Variants in DIXDC1 observed in about 807,000 individuals in gnomAD.
The protein encoded by DIXDC1 is DIX domain containing 1.
DIXDC1 carries 64 observed loss-of-function variants against 103.1 expected under a neutral mutation model. The observed-to-expected ratio is 0.62, with a 90% confidence interval of 0.51 to 0.76. The LOEUF is 0.76. Among genes scored for constraint, DIXDC1 ranks in the 30% least tolerant of loss-of-function variants. DIXDC1 has a pLI of 0.00. For synonymous variants in DIXDC1, 266 were observed against 298.5 expected (o/e 0.89, Z 1.12); for missense variants, 759 against 834.2 (o/e 0.91, Z 1.11).
At chr11:111,992,595 C>T (rs980393593) in intron 11 of DIXDC1, 76 bp downstream of exon 11, 6 of 1,264,922 alleles carry the variant, frequency 4.7e-6, no homozygotes, top group Non-Finnish European at 6.7e-6. Context: ...AACTATTAGA[C>T]TGGCCATCCT....
At chr11:112,018,068 G>A (rs1159787419) in intron 19 of DIXDC1, among the ~76,000 whole-genome samples, 183 bp downstream of exon 19, 2 of 152,224 alleles carry the variant, frequency 1.3e-5, no homozygotes, top group African/African-American at 2.4e-5. Context: ...CCAAGATGCT[G>A]ATAGGTTCTT....
chr11:111,993,564 ACT>A lies in DIXDC1; in HGVS notation c.1346_1347del (p.Ser449Ter), dbSNP rs1860778951. The part of the protein sequence containing the change: ...QAKLEEALRK[L>X]SDVSYHQVDL... ...CCAAGTTAGAAGAAGCACTCCGGAA[ACT>A]CTCTGATGTCAGTTACCACCAGGTC... is the stretch of plus-strand genomic sequence containing the variant. On this transcript the variant is annotated frameshift_variant, in exon 13 of 20. Coordinates refer to ENST00000440460, the MANE Select transcript of DIXDC1 (RefSeq NM_001037954.4). LOFTEE classifies it high-confidence loss of function. 3 of 1,613,294 alleles carry A rather than the reference ACT, an allele frequency of 1.9e-6. No homozygotes were observed. The highest frequency in any genetic ancestry group is 2.2e-5 in the South Asian group (2 of 91,054).
At chr11:111,940,732 T>C (rs587754759) in intron 1 of DIXDC1, among the ~76,000 whole-genome samples, 2 of 152,288 alleles carry the variant, frequency 1.3e-5, no homozygotes, top group South Asian at 2.1e-4. Flanking sequence ...AAGGAGTTTA[T>C]AGGGAGAGAT....
chr11:111,946,578 CTG>C (rs1472787500), intron 1 of DIXDC1: 1 of 195,582 alleles, frequency 5.1e-6, no homozygotes, highest in African/African-American at 2.3e-5. Flanking sequence ...CCAAGCTAGT[CTG>C]TAATTGCTGG....
chr11:111,966,732 A>G (rs1555171595), intron 2 of DIXDC1, among the ~76,000 whole-genome samples: 1 of 152,088 alleles, frequency 6.6e-6, no homozygotes, highest in African/African-American at 2.4e-5. Context: ...ACAACTTTCT[A>G]TTGTGACTTT....
chr11:112,016,845 C>G, intron 18 of DIXDC1, 49 bp downstream of exon 18: 3 of 1,496,318 alleles, frequency 2.0e-6, no homozygotes, highest in Non-Finnish European at 1.8e-6. Context: ...GAAAGGAAGG[C>G]AGAACCTCAT....
Position 112,020,587 on chromosome 11 carries a change from G to C in DIXDC1, c.*1551G>C, listed in dbSNP as rs904313947. 1 of 152,128 alleles carries C rather than the reference G, an allele frequency of 6.6e-6. No homozygotes were observed. 9.4% of individuals were successfully genotyped at this position (152,128 alleles called of 1,614,324 possible). ...TTCTGTATACTGTATCCATTTTCTA[G>C]AGAACCCAGTAGCTTTTATACAGTC... On this transcript the variant is annotated 3_prime_UTR_variant, in exon 20 of 20. Coordinates refer to ENST00000440460, the MANE Select transcript of DIXDC1 (RefSeq NM_001037954.4).
At chr11:111,980,101 T>A (rs2137547172) in intron 5 of DIXDC1, among the ~76,000 whole-genome samples, 1 of 152,342 alleles carries the variant, frequency 6.6e-6, no homozygotes, top group East Asian at 1.9e-4. Context: ...GTCTTTCCCC[T>A]TTTGACATAT....
At chr11:111,990,278 A>G (rs782209666) in intron 10 of DIXDC1, among the ~76,000 whole-genome samples, 54 of 150,812 alleles carry the variant, frequency 3.6e-4, no homozygotes, top group South Asian at 1.7e-3. Flanking sequence ...TTGAGTAGAG[A>G]CTGGGTTTTA....
rs1428138427 is a variant in DIXDC1 at position 111,998,699 on chromosome 11, A to G, written c.1756+2553A>G. ...CAGGCGCCCGCCACCACGCCCGGCT[A>G]ATTTTTTGTATTTTAGTAGAGACAG... On this transcript the variant is annotated intron_variant, in intron 17 of 19. Transcript: ENST00000440460. This position sits in a 1 kb window ranked among gnomAD's most constrained non-coding sequence, Gnocchi z 4.1. Among the ~76,000 whole-genome samples the G allele has an allele frequency of 3.3e-5, 5 of 151,884 alleles. No homozygotes were observed. The highest frequency in any genetic ancestry group is 1.2e-4 in the African/African-American group (5 of 41,334).
chr11:111,976,485 C>T lies in DIXDC1; in HGVS notation c.656+1502C>T, dbSNP rs1379011998. Among the ~76,000 whole-genome samples, 1 of 152,160 alleles carries T rather than the reference C, an allele frequency of 6.6e-6. No homozygotes were observed. Among genetic ancestry groups the T allele is most frequent in the Non-Finnish European group, 1.5e-5 (1 of 68,038 alleles). On this transcript the variant is annotated intron_variant, in intron 5 of 19. Coordinates refer to ENST00000440460, the MANE Select transcript of DIXDC1 (RefSeq NM_001037954.4). The surrounding 1 kb of genome is among the most constrained non-coding windows in gnomAD (Gnocchi z 4.3). ...TTTTGACATTTTCTTCTAATGCTGA[C>T]CCCTCATCCAGCTCTTTGGCATGCT...
intron 17 of DIXDC1, chr11:112,015,372 C>G (rs1228795124): frequency 1.3e-5 from 2 of 152,120 alleles, no homozygotes; most frequent in African/African-American, 4.8e-5. Context: ...AGAGGAAGAT[C>G]AGTACAGGTG....
chr11:111,960,411 T>C (rs1305093317), intron 1 of DIXDC1, among the ~76,000 whole-genome samples: 1 of 150,494 alleles, frequency 6.6e-6, no homozygotes, highest in Non-Finnish European at 1.5e-5. Context: ...CTGGCTAACA[T>C]GGTGAAACCC....
intron 9 of DIXDC1, among the ~76,000 whole-genome samples, chr11:111,988,087 C>T (rs1555174084): frequency 6.6e-6 from 1 of 151,986 alleles, no homozygotes; most frequent in Non-Finnish European, 1.5e-5. Flanking sequence ...CAGCTTCGAC[C>T]CCCCAGTCTC....
At chr11:112,013,224 C>A (rs587697761) in intron 17 of DIXDC1, among the ~76,000 whole-genome samples, 1 of 145,156 alleles carries the variant, frequency 6.9e-6, no homozygotes, top group South Asian at 2.2e-4. Flanking sequence ...ACCCGTATGA[C>A]CTCATTTAAT....
chr11:111,975,841 C>T, intron 5 of DIXDC1: 1 of 985,032 alleles, frequency 1.0e-6, no homozygotes, highest in Non-Finnish European at 1.2e-6. Context: ...ATGCACATTT[C>T]CTAATTTATT....
chr11:111,936,797 C>A (rs189804158), upstream of DIXDC1, among the ~76,000 whole-genome samples: 687 of 152,242 alleles, frequency 4.5e-3, 4 homozygotes, highest in Non-Finnish European at 7.2e-3. Flanking sequence ...ATGATTCACT[C>A]CCTTTCCCAC....
chr11:111,944,602 T>C (rs782680989), intron 1 of DIXDC1, among the ~76,000 whole-genome samples: 1 of 152,194 alleles, frequency 6.6e-6, no homozygotes, highest in Non-Finnish European at 1.5e-5. Context: ...GAATTGTGTA[T>C]ACTAGAAGAC....
intron 10 of DIXDC1, among the ~76,000 whole-genome samples, chr11:111,989,607 G>A (rs1220172293): frequency 6.8e-6 from 1 of 148,148 alleles, no homozygotes; most frequent in Non-Finnish European, 1.5e-5. Context: ...CTAGGTGACA[G>A]GGTGAGACTC....
Sources: allele counts gnomAD v4.1 joint callset (sites outside exome capture counted in the v4.1 genomes callset), GRCh38; gene constraint gnomAD v4.1.1; non-coding constraint Gnocchi (gnomAD v3.1); transcripts MANE v1.5; gene names NCBI Gene and HGNC (gene_info 2026-07-23, HGNC 2026-07-21).